SLC12A6: variants seen among roughly 807,000 people sequenced by gnomAD.
The protein encoded by SLC12A6 is K-Cl cotransporter 3.
A neutral mutation model predicts 135.3 loss-of-function variants in SLC12A6; 66 were observed. That is an observed-to-expected ratio of 0.49 (90% confidence interval 0.40 to 0.60). The LOEUF is 0.60. SLC12A6 is among the 20% of genes least tolerant of loss of function. SLC12A6 has a pLI of 0.00. For synonymous variants in SLC12A6, 513 were observed against 508.8 expected (o/e 1.01, Z -0.11); for missense variants, 1,058 against 1,452.3 (o/e 0.73, Z 4.41).
In SLC12A6 at chr15:34,230,078, A is replaced by T. The variant is rs1890824016; in HGVS notation, c.*3803T>A. 1 of 400,814 alleles carries T rather than the reference A, an allele frequency of 2.5e-6. No individual in the cohort carries two copies. Among genetic ancestry groups the T allele is most frequent in the Admixed American group, 4.3e-5 (1 of 23,474 alleles). 24.8% of individuals were successfully genotyped at this position (400,814 alleles called of 1,614,324 possible). On this transcript the variant is annotated 3_prime_UTR_variant, in exon 26 of 26. Coordinates refer to ENST00000354181, the MANE Select transcript of SLC12A6 (RefSeq NM_001365088.1). ...AAAAACATAACTATGTAAACAAGAGAATAACTGCTGCTAAATCAAGAACTG... is the reference window on the plus strand; with the variant it reads ...AAAAACATAACTATGTAAACAAGAGTATAACTGCTGCTAAATCAAGAACTG...
At chr15:34,327,667 A>C (rs1384367877) in intron 2 of SLC12A6, among the ~76,000 whole-genome samples, 1 of 152,200 alleles carries the variant, frequency 6.6e-6, no homozygotes, top group Non-Finnish European at 1.5e-5. Context: ...CAAAAAAAAA[A>C]AAAATTAGAT....
intron 9 of SLC12A6, among the ~76,000 whole-genome samples, chr15:34,253,669 G>A (rs1389978810): frequency 2.0e-5 from 3 of 152,186 alleles, no homozygotes; most frequent in East Asian, 1.9e-4. Flanking sequence ...GAACCGATGA[G>A]TTTGATCCTC....
intron 2 of SLC12A6, among the ~76,000 whole-genome samples, chr15:34,286,279 T>C (rs2140943230): frequency 6.6e-6 from 1 of 151,702 alleles, no homozygotes; most frequent in Non-Finnish European, 1.5e-5. Flanking sequence ...TTTCACCATA[T>C]TGTCCAGGCT....
chr15:34,245,141 T>A (rs1227791715), intron 15 of SLC12A6, 144 bp downstream of exon 15: 18 of 687,936 alleles, frequency 2.6e-5, no homozygotes, highest in Non-Finnish European at 3.5e-5. Context: ...TACTTGGAAG[T>A]TCTCAGGAAT....
At chr15:34,237,287 G>GTTT (rs35994446) in intron 22 of SLC12A6, 132 bp downstream of exon 22, 311 of 554,804 alleles carry the variant, frequency 5.6e-4, no homozygotes, top group Non-Finnish European at 7.0e-4. Flanking sequence ...GTTTTTTTTT[G>GTTT]TTTTTTTTTT....
intron 23 of SLC12A6, 125 bp from the exon 24 acceptor site, chr15:34,236,324 C>A: frequency 1.3e-6 from 1 of 775,534 alleles, no homozygotes; most frequent in Non-Finnish European, 2.2e-6. Flanking sequence ...ATTTGTCATC[C>A]TTGAAAACAA....
chr15:34,233,783 G>A lies in SLC12A6; in HGVS notation c.*98C>T, dbSNP rs1595393153. 1 of 747,172 alleles carries A rather than the reference G, an allele frequency of 1.3e-6. No homozygotes were observed. The highest frequency in any genetic ancestry group is 1.4e-5 in the South Asian group (1 of 70,104). 46.3% of individuals were successfully genotyped at this position (747,172 alleles called of 1,614,324 possible). A position where few individuals can be genotyped will look rare whatever the true frequency, so the allele number is the denominator to read the frequency against. On this transcript the variant is annotated 3_prime_UTR_variant, in exon 26 of 26. Transcript: ENST00000354181. ...TCAGTATGATGTGTACAGAACACAG[G>A]CTTCTAGTTGAGTGGGAGTGGTAGT...
chr15:34,302,736 G>A (rs1424015212), intron 2 of SLC12A6, among the ~76,000 whole-genome samples: 4 of 151,564 alleles, frequency 2.6e-5, no homozygotes, highest in Non-Finnish European at 5.9e-5. Context: ...TGATTGCTTG[G>A]GCCTAGGAGT....
At chr15:34,307,606 C>T (rs995452295) in intron 2 of SLC12A6, among the ~76,000 whole-genome samples, 1 of 152,150 alleles carries the variant, frequency 6.6e-6, no homozygotes, top group African/African-American at 2.4e-5. Flanking sequence ...TCACCATGTC[C>T]ACCCATTAAT....
At chr15:34,307,768 G>GTT (rs1390118324) in intron 2 of SLC12A6, among the ~76,000 whole-genome samples, 1 of 152,152 alleles carries the variant, frequency 6.6e-6, no homozygotes, top group African/African-American at 2.4e-5. Flanking sequence ...AGAGAAGAAA[G>GTT]TTGAGATGAA....
At chr15:34,283,221 T>TA (rs1894804537) in intron 2 of SLC12A6, among the ~76,000 whole-genome samples, 1 of 152,122 alleles carries the variant, frequency 6.6e-6, no homozygotes, top group Non-Finnish European at 1.5e-5. Context: ...CAGGCACCTG[T>TA]AATCCCAGCT....
intron 2 of SLC12A6, among the ~76,000 whole-genome samples, chr15:34,318,394 T>G (rs1888802784): frequency 6.6e-6 from 1 of 152,186 alleles, no homozygotes; most frequent in African/African-American, 2.4e-5. Flanking sequence ...GTGAGAAAAG[T>G]AAGAGAAGCT....
At chr15:34,262,125 A>G (rs955321661) in intron 3 of SLC12A6, among the ~76,000 whole-genome samples, 2 of 152,232 alleles carry the variant, frequency 1.3e-5, no homozygotes, top group African/African-American at 4.8e-5. Context: ...AGTCCTGGAT[A>G]AATCCATGGA....
intron 23 of SLC12A6, 146 bp from the exon 24 acceptor site, chr15:34,236,345 T>G: frequency 1.4e-6 from 1 of 702,632 alleles, no homozygotes; most frequent in Non-Finnish European, 2.5e-6. Context: ...TATAGTATCA[T>G]CCCTTTTTTT....
intron 2 of SLC12A6, among the ~76,000 whole-genome samples, chr15:34,319,076 T>C (rs1362279499): frequency 6.6e-6 from 1 of 152,042 alleles, no homozygotes; most frequent in Non-Finnish European, 1.5e-5. Context: ...CTGCATGTCA[T>C]GATCTCAACC....
At chr15:34,310,005 C>CT (rs879478639) in intron 2 of SLC12A6, among the ~76,000 whole-genome samples, 196 of 144,072 alleles carry the variant, frequency 1.4e-3, no homozygotes, top group East Asian at 4.4e-3. Context: ...AAGAGATAAT[C>CT]TTTTTTTTTT....
At chr15:34,273,389 A>G (rs1370344125) in intron 3 of SLC12A6, among the ~76,000 whole-genome samples, 1 of 152,134 alleles carries the variant, frequency 6.6e-6, no homozygotes, top group Non-Finnish European at 1.5e-5. Context: ...AACCTCTAAC[A>G]TCACACGGTC....
chr15:34,316,335 T>C (rs776318966), intron 2 of SLC12A6, among the ~76,000 whole-genome samples: 37 of 152,146 alleles, frequency 2.4e-4, no homozygotes, highest in Non-Finnish European at 4.1e-4. Context: ...ATAAAGCTCA[T>C]TGCATGAAAA....
intron 2 of SLC12A6, among the ~76,000 whole-genome samples, chr15:34,311,386 G>A (rs765600967): frequency 1.3e-5 from 2 of 152,080 alleles, no homozygotes; most frequent in African/African-American, 2.4e-5. Context: ...TTAAATAAAT[G>A]AATGAATGGA....
Sources: gnomAD v4.1 joint callset for allele counts (sites outside exome capture counted in the v4.1 genomes callset) on GRCh38, gnomAD v4.1.1 for gene constraint, MANE v1.5 for transcripts, NCBI Gene and HGNC (gene_info 2026-07-23, HGNC 2026-07-21) for gene names.